The following DTNB variants were observed in gnomAD, a reference collection of about 807,000 sequenced individuals.
The protein encoded by DTNB is dystrobrevin beta.
A neutral mutation model predicts 90.7 loss-of-function variants in DTNB; 63 were observed. The ratio of observed to expected loss-of-function variants is 0.69; its 90% CI spans 0.57 to 0.86. DTNB has a LOEUF of 0.86. Ranked by LOEUF, DTNB falls within the 40% of genes least tolerant of loss-of-function variation. DTNB has a pLI of 0.00. For synonymous variants in DTNB, 277 were observed against 286.7 expected (o/e 0.97, Z 0.34); for missense variants, 744 against 807.1 (o/e 0.92, Z 0.95).
In DTNB at chr2:25,378,431, G is replaced by C. The variant is rs565197080; in HGVS notation, c.*29+859C>G. On this transcript the variant is annotated intron_variant, in intron 20 of 20. Transcript: ENST00000406818. ...AGCGGGCAGAGGCCTTCAATGGCCT[G>C]GCGCGGTTGGGCAGAGAGGGCCAGA... Among the ~76,000 whole-genome samples, 18 of 152,334 alleles carry C rather than the reference G, an allele frequency of 1.2e-4. No homozygotes were observed. The South Asian group carries it at 3.7e-3, about 32-fold the overall frequency.
intron 16 of DTNB, among the ~76,000 whole-genome samples, chr2:25,408,327 C>T (rs1459023338): frequency 4.7e-5 from 7 of 148,660 alleles, no homozygotes; most frequent in African/African-American, 1.2e-4. Flanking sequence ...AAAAAGAGTT[C>T]GAGACCAGCT....
rs2039320433 is a variant in DTNB, at chr2:25,385,828, C to T, written c.1825+1461G>A. Among the ~76,000 whole-genome samples, 3 of 152,246 alleles carry T rather than the reference C, an allele frequency of 2.0e-5. No homozygotes were observed. The South Asian group carries it at 6.2e-4, about 32-fold the overall frequency. On this transcript the variant is annotated intron_variant, in intron 18 of 20. Coordinates refer to ENST00000406818, the MANE Select transcript of DTNB (RefSeq NM_021907.5). Reference sequence around the variant, plus strand: ...AGCTATTTGGTCTCTATGTGCTTTCCACTTAATGGTATTTAATGACCTCTC... The same window carrying T: ...AGCTATTTGGTCTCTATGTGCTTTCTACTTAATGGTATTTAATGACCTCTC...
intron 3 of DTNB, among the ~76,000 whole-genome samples, chr2:25,630,361 C>T (rs79999892): frequency 1.6e-4 from 24 of 152,172 alleles, no homozygotes; most frequent in Non-Finnish European, 2.4e-4. Context: ...AGGTCCCATA[C>T]GACCCAGCAA....
In DTNB at chr2:25,433,049, C is replaced by T. The variant is rs753538120; in HGVS notation, c.1344-50G>A. ...GGGGCTGCACAGTGCTTCTCACTCA[C>T]GCTCCCTCTTTCCCTATTACAACTT... On this transcript the variant is annotated intron_variant, in intron 13 of 20. Coordinates refer to ENST00000406818, the MANE Select transcript of DTNB (RefSeq NM_021907.5). The T allele has an allele frequency of 3.0e-5, 45 of 1,503,390 alleles. No homozygotes were observed. The Middle Eastern group carries it at 5.3e-4, about 18-fold the overall frequency. 93.1% of individuals were successfully genotyped at this position (1,503,390 alleles called of 1,614,324 possible).
intron 4 of DTNB, among the ~76,000 whole-genome samples, chr2:25,616,760 A>G (rs957402938): frequency 1.3e-5 from 2 of 151,472 alleles, no homozygotes; most frequent in East Asian, 1.9e-4. Context: ...GTGAAACCCC[A>G]TCTCTACTAA....
intron 16 of DTNB, among the ~76,000 whole-genome samples, chr2:25,395,757 T>G (rs1454531682): frequency 6.6e-6 from 1 of 152,182 alleles, no homozygotes; most frequent in Non-Finnish European, 1.5e-5. Flanking sequence ...GCAAGGAAGC[T>G]AGATAAAAAT....
At chr2:25,513,876 C>T (rs567911460) in intron 9 of DTNB, among the ~76,000 whole-genome samples, 109 of 151,044 alleles carry the variant, frequency 7.2e-4, no homozygotes, top group African/African-American at 2.5e-3. Context: ...CATATAGATA[C>T]ACATGCAGTT....
chr2:25,418,320 T>G (rs2048475033), intron 16 of DTNB, among the ~76,000 whole-genome samples: 1 of 152,168 alleles, frequency 6.6e-6, no homozygotes, highest in South Asian at 2.1e-4. Context: ...GCCTTTACTC[T>G]ATGGTCCCAT....
rs867170016 is a variant in DTNB at position 25,433,850 on chromosome 2, A to C, written c.1343+60T>G. ...CACCTAGTATCCAAGGAAAATGAGAATCAGATACGCACGTGATAATCCTGG... is the reference window on the plus strand; with the variant it reads ...CACCTAGTATCCAAGGAAAATGAGACTCAGATACGCACGTGATAATCCTGG... On this transcript the variant is annotated intron_variant, in intron 13 of 20. Transcript: ENST00000406818. The C allele has an allele frequency of 4.0e-5, 63 of 1,580,358 alleles. No individual in the cohort carries two copies. The African/African-American group carries it at 5.3e-4, about 13-fold the overall frequency.
At chr2:25,439,627 G>C (rs1211170604) in intron 12 of DTNB, among the ~76,000 whole-genome samples, 1 of 152,136 alleles carries the variant, frequency 6.6e-6, no homozygotes, top group African/African-American at 2.4e-5. Context: ...TGGCTACTCG[G>C]TGGAGAATTT....
chr2:25,651,964 T>C (rs2081023280), intron 2 of DTNB, among the ~76,000 whole-genome samples: 1 of 152,146 alleles, frequency 6.6e-6, no homozygotes, highest in Non-Finnish European at 1.5e-5. Flanking sequence ...GAATTTGAGG[T>C]CCAGCAAATG....
chr2:25,634,432 T>TG (rs1353914425), intron 3 of DTNB, among the ~76,000 whole-genome samples: 16 of 137,116 alleles, frequency 1.2e-4, no homozygotes, highest in South Asian at 9.4e-4. Context: ...GGGAGGGAGG[T>TG]GGGGGGGTCA....
intron 4 of DTNB, among the ~76,000 whole-genome samples, chr2:25,616,630 T>TAAAAAAAAAAAA (rs58950790): frequency 1.5e-4 from 18 of 117,668 alleles, no homozygotes; most frequent in South Asian, 2.9e-4. Context: ...CTATTTATAG[T>TAAAAAAAAAAAA]AAAAAAAAAA....
In DTNB at chr2:25,415,244, C is replaced by CTTT. The variant is rs34257264; in HGVS notation, c.1575+4268_1575+4270dup. ...TTCCAGGTTCCTGGCATAAGAGCTT[C>CTTT]TTTTTTTTTTTTTTTTTTTTGAGAC... On this transcript the variant is annotated intron_variant, in intron 16 of 20. Transcript: ENST00000406818. Among the ~76,000 whole-genome samples, 387 of 123,498 alleles carry CTTT rather than the reference C, an allele frequency of 3.1e-3. 5 individuals are homozygous for CTTT. Among genetic ancestry groups the CTTT allele is most frequent in the Middle Eastern group, 4.5e-3 (1 of 222 alleles). 81.0% of individuals were successfully genotyped at this position (123,498 alleles called of 152,430 possible).
intron 19 of DTNB, among the ~76,000 whole-genome samples, chr2:25,383,448 T>C (rs1218918654): frequency 6.6e-6 from 1 of 152,090 alleles, no homozygotes; most frequent in Non-Finnish European, 1.5e-5. Flanking sequence ...CTTGAACTCC[T>C]GACCTTGTGA....
At chr2:25,560,144 G>A (rs2058038521) in intron 8 of DTNB, among the ~76,000 whole-genome samples, 1 of 152,250 alleles carries the variant, frequency 6.6e-6, no homozygotes, top group African/African-American at 2.4e-5. Flanking sequence ...AGCTACTCGG[G>A]AGGCTGAGGC....
In DTNB at chr2:25,621,446, CT is replaced by C. The variant is rs35400547; in HGVS notation, c.362+6724del. On this transcript the variant is annotated intron_variant, in intron 4 of 20. Coordinates refer to ENST00000406818, the MANE Select transcript of DTNB (RefSeq NM_021907.5). ...GATTCAAATTAAACTGCTAAATCAA[CT>C]TTTTTTTTTTTTTTTTGAGACGGAG... 7.7e-3 allele frequency among the ~76,000 whole-genome samples: 1,026 copies of C among 132,660 alleles called. 4 individuals are homozygous for C. The highest frequency in any genetic ancestry group is 0.024 in the African/African-American group (888 of 36,262). 87.0% of individuals were successfully genotyped at this position (132,660 alleles called of 152,430 possible). A position where few individuals can be genotyped will look rare whatever the true frequency, so the allele number is the denominator to read the frequency against.
chr2:25,543,403 T>G (rs78874472), intron 8 of DTNB, among the ~76,000 whole-genome samples: 1,924 of 152,216 alleles, frequency 0.013, 40 homozygotes, highest in African/African-American at 0.042. Context: ...CCTCCCGGGT[T>G]CAAGTGATTC....
At chr2:25,448,753 C>T (rs1488163760) in intron 12 of DTNB, among the ~76,000 whole-genome samples, 2 of 149,834 alleles carry the variant, frequency 1.3e-5, no homozygotes, top group Non-Finnish European at 2.9e-5. Context: ...ACTCAGGAGG[C>T]TGAGGCAGGA....
Sources: allele counts gnomAD v4.1 joint callset (sites outside exome capture counted in the v4.1 genomes callset), GRCh38; gene constraint gnomAD v4.1.1; transcripts MANE v1.5; gene names NCBI Gene and HGNC (gene_info 2026-07-23, HGNC 2026-07-21).